Variants in CDIN1 observed in about 807,000 individuals in gnomAD.
The protein encoded by CDIN1 is CDAN1 interacting nuclease 1.
In CDIN1, 33 loss-of-function variants were observed where a neutral mutation model predicts 45.3. The observed-to-expected ratio is 0.73, with a 90% confidence interval of 0.55 to 0.97. CDIN1 has a LOEUF of 0.97. CDIN1 is among the 50% of genes least tolerant of loss of function. The pLI, the probability that CDIN1 is intolerant of heterozygous loss-of-function variation, is 0.00. For missense variants in CDIN1, 303 were observed against 339.4 expected, an observed-to-expected ratio of 0.89 and a Z score of 0.84; for synonymous variants, 118 against 124.4, an observed-to-expected ratio of 0.95 and a Z score of 0.34.
At chr15:36,676,854 G>A (rs958194394) in intron 5 of CDIN1, among the ~76,000 whole-genome samples, 1 of 152,080 alleles carries the variant, frequency 6.6e-6, no homozygotes, top group African/African-American at 2.4e-5. Context: ...GGAAAATCCA[G>A]GAGGGAGGAG....
chr15:36,657,751 T>A lies in CDIN1; in HGVS notation c.274-82T>A, dbSNP rs6495863. ...GCTATGGTTGATTAAAATTGACTTA[T>A]TCTTCAGTGTTGACAAAATACTGGA... On this transcript the variant is annotated intron_variant, in intron 4 of 10. Transcript: ENST00000566621. 0.96 allele frequency: 1,026,018 copies of A among 1,068,884 alleles called. 492,603 individuals are homozygous for A. The highest frequency in any genetic ancestry group is 1 in the East Asian group (38,025 of 38,058). 66.2% of individuals were successfully genotyped at this position (1,068,884 alleles called of 1,614,324 possible). A position where few individuals can be genotyped will look rare whatever the true frequency, so the allele number is the denominator to read the frequency against.
intron 10 of CDIN1, among the ~76,000 whole-genome samples, chr15:36,806,252 C>G (rs2055222128): frequency 6.6e-6 from 1 of 152,104 alleles, no homozygotes; most frequent in Non-Finnish European, 1.5e-5. Context: ...GAGGTGTTCC[C>G]CAGCCTGGCT....
intron 5 of CDIN1, among the ~76,000 whole-genome samples, chr15:36,684,025 G>A (rs1041030866): frequency 2.0e-5 from 3 of 149,642 alleles, no homozygotes; most frequent in African/African-American, 7.4e-5. Flanking sequence ...TGCAAACAGG[G>A]ACAATTTGAC....
chr15:36,714,295 G>T (rs1268475620), intron 10 of CDIN1, among the ~76,000 whole-genome samples: 3 of 152,030 alleles, frequency 2.0e-5, no homozygotes, highest in Admixed American at 6.6e-5. Context: ...ACTTTATAAA[G>T]GTTTTTAGAT....
At chr15:36,660,542 A>G (rs950604726) in intron 5 of CDIN1, among the ~76,000 whole-genome samples, 173 of 152,278 alleles carry the variant, frequency 1.1e-3, no homozygotes, top group African/African-American at 3.9e-3. Context: ...CTTTAGGAAT[A>G]TCCACTTTAA....
Position 36,644,284 on chromosome 15 carries a change from G to A in CDIN1, c.108G>A (p.Ser36=), listed in dbSNP as rs767528711. 5 of 1,613,354 alleles carry A rather than the reference G, an allele frequency of 3.1e-6. No individual in the cohort carries two copies. Among genetic ancestry groups the A allele is most frequent in the East Asian group, 2.2e-5 (1 of 44,846 alleles). ...RKLKQRFPSQ[S]QATLLSIFSQ... is the part of the protein sequence containing the mutation. ...CTTCTTTTATTTGTTCCAGTCAATC[G>A]CAGGCCACTCTGCTGAGCATCTTCT... Residue 36 remains serine, a synonymous_variant, in exon 2 of 11, where the codon TCG becomes TCA. Coordinates refer to ENST00000566621, the MANE Select transcript of CDIN1 (RefSeq NM_001321759.2).
chr15:36,703,219 AATATATATATATATCAG>A (rs2042709762), intron 8 of CDIN1, among the ~76,000 whole-genome samples: 1 of 57,364 alleles, frequency 1.7e-5, no homozygotes, highest in Non-Finnish European at 3.4e-5. Context: ...CCCTGTCTCA[AATATATATATATATCAG>A]ATATATATAT....
chr15:36,579,728 A>C lies in CDIN1; in HGVS notation c.-133A>C. 1.5e-6 allele frequency: 1 copy of C among 670,182 alleles called. No homozygotes were observed. Among genetic ancestry groups the C allele is most frequent in the Non-Finnish European group, 2.5e-6 (1 of 398,244 alleles). 41.5% of individuals were successfully genotyped at this position (670,182 alleles called of 1,614,324 possible). Reference sequence around the variant, plus strand: ...CAGCTAGGGGTGTGTTTCAGGGGGGATTGGGGCAAGCCAAGCAGGCGAGGA... The same window carrying C: ...CAGCTAGGGGTGTGTTTCAGGGGGGCTTGGGGCAAGCCAAGCAGGCGAGGA... On this transcript the variant is annotated 5_prime_UTR_variant, in exon 1 of 11. Transcript: ENST00000566621.
intron 3 of CDIN1, 62 bp downstream of exon 3, chr15:36,645,349 G>T: frequency 1.6e-6 from 2 of 1,286,514 alleles, no homozygotes; most frequent in South Asian, 1.4e-5. Flanking sequence ...TAATAATTAT[G>T]AATAAGTTAG....
intron 1 of CDIN1, among the ~76,000 whole-genome samples, chr15:36,606,661 T>C (rs1000402069): frequency 6.6e-6 from 1 of 152,200 alleles, no homozygotes; most frequent in Non-Finnish European, 1.5e-5. Context: ...AGTTCTGTAT[T>C]TACCTGCTTA....
At chr15:36,744,848 A>G (rs534426721) in intron 10 of CDIN1, among the ~76,000 whole-genome samples, 196 of 152,236 alleles carry the variant, frequency 1.3e-3, no homozygotes, top group Non-Finnish European at 2.2e-3. Context: ...GCTGTAGGAC[A>G]TCTCTGTGGC....
At chr15:36,602,376 TG>T (rs1003012672) in intron 1 of CDIN1, among the ~76,000 whole-genome samples, 3 of 152,270 alleles carry the variant, frequency 2.0e-5, no homozygotes, top group Non-Finnish European at 4.4e-5. Flanking sequence ...AAAACACTTT[TG>T]GGACTTCTCT....
intron 10 of CDIN1, among the ~76,000 whole-genome samples, chr15:36,718,298 C>T (rs1266610751): frequency 6.6e-6 from 1 of 151,986 alleles, no homozygotes; most frequent in African/African-American, 2.4e-5. Context: ...ATAGTAGGTC[C>T]TCCAACTTTG....
chr15:36,719,956 A>C (rs2043348912), intron 10 of CDIN1, among the ~76,000 whole-genome samples: 1 of 151,986 alleles, frequency 6.6e-6, no homozygotes, highest in East Asian at 1.9e-4. Context: ...GTCTGTAGAT[A>C]TGTCTCCTTT....
chr15:36,591,263 C>T (rs187566145), intron 1 of CDIN1, among the ~76,000 whole-genome samples: 62 of 152,320 alleles, frequency 4.1e-4, no homozygotes, highest in African/African-American at 1.5e-3. Context: ...CTACAGCTCT[C>T]TCAAGCTGAT....
At chr15:36,733,717 A>G (rs1380965139) in intron 10 of CDIN1, among the ~76,000 whole-genome samples, 1 of 152,136 alleles carries the variant, frequency 6.6e-6, no homozygotes, top group Non-Finnish European at 1.5e-5. Context: ...TCTTGTAACA[A>G]CTATGAGGAA....
At chr15:36,646,438 T>TAC (rs1448705315) in intron 3 of CDIN1, among the ~76,000 whole-genome samples, 2 of 151,968 alleles carry the variant, frequency 1.3e-5, no homozygotes, top group Non-Finnish European at 2.9e-5. Context: ...CACAGACACA[T>TAC]ACACACACAC....
chr15:36,598,378 T>C (rs905584736), intron 1 of CDIN1, among the ~76,000 whole-genome samples: 2 of 151,404 alleles, frequency 1.3e-5, no homozygotes, highest in South Asian at 4.1e-4. Context: ...AAACAAAAGG[T>C]TTTTTGCTTA....
intron 1 of CDIN1, chr15:36,614,319 C>T: frequency 1.8e-6 from 1 of 562,372 alleles, no homozygotes. Context: ...GCTGCTTTCT[C>T]CTTTCGCCAC....
Sources: allele counts gnomAD v4.1 joint callset (sites outside exome capture counted in the v4.1 genomes callset), GRCh38; gene constraint gnomAD v4.1.1; transcripts MANE v1.5; gene names NCBI Gene and HGNC (gene_info 2026-07-23, HGNC 2026-07-21).